The following TAF11 variants were observed in gnomAD, a reference collection of about 807,000 sequenced individuals.
TAF11 encodes TATA-box binding protein associated factor 11, also known as transcription initiation factor TFIID subunit 11.
TAF11 carries 10 observed loss-of-function variants against 23.0 expected under a neutral mutation model. That is an observed-to-expected ratio of 0.43 (90% CI 0.27 to 0.74). The LOEUF (loss-of-function observed/expected upper bound fraction) is 0.74, where lower values mean the gene tolerates loss of function less well. Ranked by LOEUF, TAF11 falls within the 30% of genes least tolerant of loss-of-function variation. TAF11 has a pLI of 0.19. For missense variants in TAF11, 196 were observed against 261.7 expected, an observed-to-expected ratio of 0.75 and a Z score of 1.73; for synonymous variants, 85 against 95.8, an observed-to-expected ratio of 0.89 and a Z score of 0.66.
chr6:34,883,268 A>C (rs1766475587), intron 1 of TAF11, 188 bp from the exon 2 acceptor site: 1 of 519,042 alleles, frequency 1.9e-6, no homozygotes, highest in African/African-American at 2.0e-5. Flanking sequence ...TGGCTCAGCT[A>C]TGGAAAGAAA....
chr6:34,878,425 C>T lies in TAF11; in HGVS notation c.*165G>A, dbSNP rs1373215651. On this transcript the variant is annotated 3_prime_UTR_variant, in exon 5 of 5. Coordinates refer to ENST00000361288, the MANE Select transcript of TAF11 (RefSeq NM_005643.4). ...GTCAAGGCAAGTATCAATCAGGCTACATACTTTCTAGGTGTGACAAATATC... is the reference window on the plus strand; with the variant it reads ...GTCAAGGCAAGTATCAATCAGGCTATATACTTTCTAGGTGTGACAAATATC... The T allele has an allele frequency of 8.0e-6, 5 of 621,244 alleles. No individual in the cohort carries two copies. The highest frequency in any genetic ancestry group is 1.4e-5 in the Non-Finnish European group (5 of 347,530). The allele number at this position is 621,244 out of a possible 1,614,324, so 38.5% of individuals were successfully genotyped here.
intron 1 of TAF11, among the ~76,000 whole-genome samples, chr6:34,886,335 C>T (rs1455996402): frequency 2.7e-5 from 4 of 150,120 alleles, no homozygotes; most frequent in Admixed American, 2.0e-4. Context: ...GCCAAGATCA[C>T]GCCACTGCAC....
At chr6:34,881,788 C>CTGGGT (rs1423361350) in intron 2 of TAF11, among the ~76,000 whole-genome samples, 1 of 151,906 alleles carries the variant, frequency 6.6e-6, no homozygotes, top group Non-Finnish European at 1.5e-5. Flanking sequence ...CCTCTGCCTC[C>CTGGGT]TGGGTTCAAG....
rs1303625492 is a variant in TAF11, at chr6:34,880,073, A to G, written c.409-10T>C. On this transcript the variant is annotated splice_polypyrimidine_tract_variant and intron_variant, in intron 3 of 4. Coordinates refer to ENST00000361288, the MANE Select transcript of TAF11 (RefSeq NM_005643.4). This position sits in a 1 kb window ranked among gnomAD's most constrained non-coding sequence, Gnocchi z 4.8. Reference sequence around the variant, plus strand: ...TGATGGACTGGATCAGCTTGAAAGAAGCACAAAGACTCCGTGATCACAATA... The same window carrying G: ...TGATGGACTGGATCAGCTTGAAAGAGGCACAAAGACTCCGTGATCACAATA... 6.2e-7 allele frequency: 1 copy of G among 1,612,590 alleles called. No individual in the cohort carries two copies. The highest frequency in any genetic ancestry group is 8.5e-7 in the Non-Finnish European group (1 of 1,178,676).
intron 4 of TAF11, chr6:34,879,570 T>C (rs1188351666): frequency 2.9e-5 from 29 of 985,056 alleles, no homozygotes; most frequent in Non-Finnish European, 3.5e-5. Flanking sequence ...CCAGGCTTTT[T>C]ACTCAATAAA....
intron 2 of TAF11, 37 bp downstream of exon 2, chr6:34,882,895 G>C: frequency 6.4e-7 from 1 of 1,562,510 alleles, no homozygotes; most frequent in Non-Finnish European, 8.6e-7. Flanking sequence ...GGTCAAGTGA[G>C]AGCCTCGAAA....
At position 34,882,922 on chromosome 6, in the gene TAF11, A is replaced by G; in HGVS notation, c.320+10T>C. 6.3e-7 allele frequency: 1 copy of G among 1,589,136 alleles called. No homozygotes were observed. The highest frequency in any genetic ancestry group is 8.5e-7 in the Non-Finnish European group (1 of 1,170,902). ...GCCTCGAAATGGGGAATGATAAGAA[A>G]GTGACTTACTGCATCTTCTGAATCT... On this transcript the variant is annotated intron_variant, in intron 2 of 4. Transcript: ENST00000361288.
chr6:34,878,077 C>CCAT lies in TAF11; in HGVS notation c.*510_*512dup, dbSNP rs1329761727. ...CCAGCCTGGGCAACAAAGCAAGACC[C>CCAT]CATCTCCATAAAAAATAAAAATAAG... is the stretch of plus-strand genomic sequence containing the variant. On this transcript the variant is annotated 3_prime_UTR_variant, in exon 5 of 5. Transcript: ENST00000361288. 6.6e-6 allele frequency: 1 copy of CCAT among 152,462 alleles called. No homozygotes were observed. The highest frequency in any genetic ancestry group is 2.4e-5 in the African/African-American group (1 of 41,364). 9.4% of individuals were successfully genotyped at this position (152,462 alleles called of 1,614,324 possible). A position where few individuals can be genotyped will look rare whatever the true frequency, so the allele number is the denominator to read the frequency against.
chr6:34,887,600 G>C (rs949588371), intron 1 of TAF11, among the ~76,000 whole-genome samples, 187 bp downstream of exon 1: 2 of 152,070 alleles, frequency 1.3e-5, no homozygotes, highest in African/African-American at 4.8e-5. Flanking sequence ...TGAGCCTCTG[G>C]AACCGAACCA....
At chr6:34,884,269 A>G (rs970382418) in intron 1 of TAF11, among the ~76,000 whole-genome samples, 3 of 152,224 alleles carry the variant, frequency 2.0e-5, no homozygotes, top group Non-Finnish European at 4.4e-5. Context: ...TTGCAGGGAC[A>G]TGGATGGAGC....
chr6:34,886,501 T>C (rs999937331), intron 1 of TAF11, among the ~76,000 whole-genome samples: 5 of 152,018 alleles, frequency 3.3e-5, no homozygotes, highest in Middle Eastern at 3.4e-3. Flanking sequence ...ACGGAGTCTC[T>C]GGTACCCAAG....
chr6:34,878,738 A>G lies in TAF11; in HGVS notation c.506-18T>C. On this transcript the variant is annotated intron_variant, in intron 4 of 4. Transcript: ENST00000361288. ...ATCCAGTGCTAAACAGAGGGTAAGGAGAAAGTCTGATTATCACACAATAAT... is the reference window on the plus strand; with the variant it reads ...ATCCAGTGCTAAACAGAGGGTAAGGGGAAAGTCTGATTATCACACAATAAT... The G allele has an allele frequency of 3.7e-6, 6 of 1,608,212 alleles. No homozygotes were observed. The highest frequency in any genetic ancestry group is 5.1e-6 in the Non-Finnish European group (6 of 1,174,902).
chr6:34,879,235 T>G (rs1766373422), intron 4 of TAF11: 1 of 226,392 alleles, frequency 4.4e-6, no homozygotes, highest in Non-Finnish European at 7.2e-6. Flanking sequence ...AATTAAAAAT[T>G]AGCCAGGTAT....
At position 34,887,859 on chromosome 6, in the gene TAF11, G is replaced by A; in HGVS notation, c.99C>T (p.Thr33=). The A allele has an allele frequency of 1.2e-6, 2 of 1,614,160 alleles. No homozygotes were observed. Among genetic ancestry groups the A allele is most frequent in the Non-Finnish European group, 1.7e-6 (2 of 1,180,032 alleles). Residue 33 remains threonine (T), a synonymous_variant, in exon 1 of 5, where the codon ACC becomes ACT. Coordinates refer to ENST00000361288, the MANE Select transcript of TAF11 (RefSeq NM_005643.4). ...CGTCAGTTTCCTCTGGGATTCCATC[G>A]GTGTCGGTAGCCCCCGGGTCCCCGG... ...AVPGDPGATD[T]DGIPEETDGD... is the part of the protein sequence containing the mutation.
Position 34,878,599 on chromosome 6 carries a change from G to A in TAF11, c.627C>T (p.Ile209=). The A allele has an allele frequency of 6.4e-7, 1 of 1,565,818 alleles. No individual in the cohort carries two copies. Among genetic ancestry groups the A allele is most frequent in the Non-Finnish European group, 8.8e-7 (1 of 1,136,046 alleles). ...QIPNSKHKKI[I]FF The stretch of plus-strand genomic sequence containing the variant: ...CTTTCTAGACTTTGGTCTAGAAGAA[G>A]ATGATTTTTTTGTGCTTCGAGTTAG... Residue 209 remains isoleucine, a synonymous_variant, in exon 5 of 5, where the codon ATC becomes ATT. Coordinates refer to ENST00000361288, the MANE Select transcript of TAF11 (RefSeq NM_005643.4).
intron 1 of TAF11, among the ~76,000 whole-genome samples, chr6:34,884,535 C>T (rs957761619): frequency 1.3e-5 from 2 of 152,178 alleles, no homozygotes; most frequent in Non-Finnish European, 2.9e-5. Context: ...CCCTATGACA[C>T]ACATTTACTT....
intron 4 of TAF11, chr6:34,879,754 G>T (rs553940995): frequency 1.0e-6 from 1 of 985,368 alleles, no homozygotes; most frequent in East Asian, 1.1e-4. Flanking sequence ...AAGGAATCAG[G>T]GAGGGGATTT....
chr6:34,887,379 C>A (rs1464396285), intron 1 of TAF11, among the ~76,000 whole-genome samples: 2 of 152,102 alleles, frequency 1.3e-5, no homozygotes. Flanking sequence ...GATCGACCCT[C>A]CTTCCTATAA....
At chr6:34,884,145 C>T (rs1328239298) in intron 1 of TAF11, among the ~76,000 whole-genome samples, 2 of 152,098 alleles carry the variant, frequency 1.3e-5, no homozygotes. Flanking sequence ...TTCACAATAG[C>T]AAAGACATGG....
Sources: allele counts gnomAD v4.1 joint callset (sites outside exome capture counted in the v4.1 genomes callset), GRCh38; gene constraint gnomAD v4.1.1; non-coding constraint Gnocchi (gnomAD v3.1); transcripts MANE v1.5; gene names NCBI Gene and HGNC (gene_info 2026-07-23, HGNC 2026-07-21).